Variants in NAALADL2 observed in about 807,000 individuals in gnomAD.
NAALADL2 encodes the protein inactive N-acetylated-alpha-linked acidic dipeptidase-like protein 2.
Under a neutral mutation model 87.2 loss-of-function variants are expected in NAALADL2, and 76 were observed. That is an observed-to-expected ratio of 0.87 (90% CI 0.72 to 1.05). NAALADL2 has a LOEUF of 1.05. Ranked by LOEUF, NAALADL2 falls within the 50% of genes least tolerant of loss-of-function variation. The pLI, the probability that NAALADL2 is intolerant of heterozygous loss-of-function variation, is 0.00. For missense variants in NAALADL2, 1,089 were observed against 945.8 expected (o/e 1.15, Z -1.99); for synonymous variants, 354 against 331.0 (o/e 1.07, Z -0.75).
At chr3:174,708,729 G>T (rs1022463283) in intron 2 of NAALADL2, among the ~76,000 whole-genome samples, 6 of 152,050 alleles carry the variant, frequency 3.9e-5, no homozygotes, top group Non-Finnish European at 7.4e-5. Context: ...ACCTTTTCAG[G>T]TTTCCTTGAA....
chr3:174,561,749 T>A (rs1713645817), intron 2 of NAALADL2, among the ~76,000 whole-genome samples: 1 of 152,160 alleles, frequency 6.6e-6, no homozygotes, highest in African/African-American at 2.4e-5. Flanking sequence ...GCACTGAAGA[T>A]CAGTGGTCAC....
intron 1 of NAALADL2, among the ~76,000 whole-genome samples, chr3:174,968,112 G>T (rs1272071889): frequency 6.6e-6 from 1 of 152,066 alleles, no homozygotes; most frequent in African/African-American, 2.4e-5. Flanking sequence ...TCAATTTGGT[G>T]CACTATCTAA....
intron 1 of NAALADL2, among the ~76,000 whole-genome samples, chr3:175,007,150 T>TAAAAA (rs397877957): frequency 1.0e-4 from 7 of 70,336 alleles, no homozygotes; most frequent in African/African-American, 1.1e-4. Flanking sequence ...TTTTATAGGA[T>TAAAAA]AAAAAAAAAA....
intron 10 of NAALADL2, among the ~76,000 whole-genome samples, chr3:175,624,131 G>A (rs1222873859): frequency 3.3e-5 from 5 of 152,004 alleles, no homozygotes; most frequent in Admixed American, 3.3e-4. Flanking sequence ...GATGTAAAAA[G>A]AGATCTCTCT....
intron 5 of NAALADL2, among the ~76,000 whole-genome samples, chr3:175,424,028 A>G (rs1716340768): frequency 6.6e-6 from 1 of 152,074 alleles, no homozygotes; most frequent in Non-Finnish European, 1.5e-5. Context: ...GATGATGAGC[A>G]TTTTTTCATG....
intron 11 of NAALADL2, among the ~76,000 whole-genome samples, chr3:175,729,094 T>C (rs1200383530): frequency 6.6e-6 from 1 of 152,192 alleles, no homozygotes; most frequent in Non-Finnish European, 1.5e-5. Flanking sequence ...AATGGTGCTT[T>C]CTAAGAAATA....
intron 2 of NAALADL2, among the ~76,000 whole-genome samples, chr3:174,725,510 C>T (rs1194333097): frequency 6.6e-6 from 1 of 152,144 alleles, no homozygotes; most frequent in African/African-American, 2.4e-5. Flanking sequence ...TTCAAGGTGG[C>T]TGTACCTGAA....
At chr3:175,630,995 T>C (rs1367759650) in intron 11 of NAALADL2, among the ~76,000 whole-genome samples, 1 of 151,558 alleles carries the variant, frequency 6.6e-6, no homozygotes, top group Non-Finnish European at 1.5e-5. Context: ...AAAGTTTGTA[T>C]TTGATATAGC....
intron 9 of NAALADL2, among the ~76,000 whole-genome samples, chr3:175,473,512 C>T (rs1193086275): frequency 2.0e-5 from 3 of 151,686 alleles, no homozygotes; most frequent in African/African-American, 7.3e-5. Flanking sequence ...TAATTTCAAT[C>T]AATGGGGATT....
At position 174,486,255 on chromosome 3, in the gene NAALADL2, A is replaced by G. The variant is rs1041928416; in HGVS notation, c.-184+45223A>G. Among the ~76,000 whole-genome samples the G allele has an allele frequency of 5.3e-5, 8 of 152,080 alleles. No homozygotes were observed. The East Asian group carries it at 1.5e-3, about 29-fold the overall frequency. On this transcript the variant is annotated intron_variant, in intron 1 of 3. Coordinates refer to the NAALADL2 transcript ENST00000434257. Reference sequence around the variant, plus strand: ...GTTAAATAGTTTCTCCTAAGGATATACATTGTTGAGAAGAGCAGAATGCTC... The same window carrying G: ...GTTAAATAGTTTCTCCTAAGGATATGCATTGTTGAGAAGAGCAGAATGCTC...
chr3:175,261,598 C>T (rs1751052967), intron 4 of NAALADL2, among the ~76,000 whole-genome samples: 1 of 151,986 alleles, frequency 6.6e-6, no homozygotes, highest in Non-Finnish European at 1.5e-5. Flanking sequence ...CAGTAATATG[C>T]ATCACTACCT....
chr3:175,067,131 T>A (rs994644650), intron 1 of NAALADL2, among the ~76,000 whole-genome samples: 1 of 152,088 alleles, frequency 6.6e-6, no homozygotes, highest in Non-Finnish European at 1.5e-5. Flanking sequence ...GACCTCAAAC[T>A]GTAAAAATCC....
intron 5 of NAALADL2, among the ~76,000 whole-genome samples, chr3:175,339,559 G>A (rs1762371726): frequency 1.3e-5 from 2 of 152,158 alleles, no homozygotes; most frequent in Admixed American, 1.3e-4. Context: ...CATCTAGCTT[G>A]ATAATGAGGA....
At chr3:174,929,735 G>C (rs1473921924) in intron 1 of NAALADL2, among the ~76,000 whole-genome samples, 1 of 151,824 alleles carries the variant, frequency 6.6e-6, no homozygotes, top group Non-Finnish European at 1.5e-5. Context: ...TTTTTTTCTT[G>C]TTTTACAAAA....
At chr3:175,451,419 A>G (rs1463965350) in intron 6 of NAALADL2, among the ~76,000 whole-genome samples, 1 of 151,944 alleles carries the variant, frequency 6.6e-6, no homozygotes, top group African/African-American at 2.4e-5. Flanking sequence ...TTGGATACTG[A>G]CTCCATTTCA....
intron 11 of NAALADL2, among the ~76,000 whole-genome samples, chr3:175,697,241 T>C (rs1213298941): frequency 6.6e-6 from 1 of 152,032 alleles, no homozygotes; most frequent in Non-Finnish European, 1.5e-5. Flanking sequence ...AGCTGGAATA[T>C]AGGAGCAGTA....
At chr3:175,123,964 T>G (rs980395680) in intron 2 of NAALADL2, among the ~76,000 whole-genome samples, 1 of 151,754 alleles carries the variant, frequency 6.6e-6, no homozygotes, top group African/African-American at 2.4e-5. Flanking sequence ...AAGGGATAGT[T>G]TTTTTCCTCT....
intron 9 of NAALADL2, among the ~76,000 whole-genome samples, chr3:175,570,966 G>T (rs1349441259): frequency 6.6e-6 from 1 of 151,366 alleles, no homozygotes; most frequent in East Asian, 1.9e-4. Context: ...TTTTCTTGCT[G>T]TTTAAGTAAA....
chr3:174,506,471 AC>A (rs1285762900), intron 1 of NAALADL2, among the ~76,000 whole-genome samples: 1 of 151,784 alleles, frequency 6.6e-6, no homozygotes, highest in Non-Finnish European at 1.5e-5. Context: ...GTGAACCACT[AC>A]CTCCGGTCTA....
Sources: gnomAD v4.1 joint callset for allele counts (sites outside exome capture counted in the v4.1 genomes callset) on GRCh38, gnomAD v4.1.1 for gene constraint, MANE v1.5 for transcripts, NCBI Gene and HGNC (gene_info 2026-07-23, HGNC 2026-07-21) for gene names.